MBIP: variants seen among roughly 807,000 people sequenced by gnomAD.
The protein encoded by MBIP is MAP3K12-binding inhibitory protein 1.
A neutral mutation model predicts 45.7 loss-of-function variants in MBIP; 32 were observed. The observed-to-expected ratio is 0.70, with a 90% CI of 0.53 to 0.94. The LOEUF (loss-of-function observed/expected upper bound fraction) is 0.94. Among genes scored for constraint, MBIP ranks in the 40% least tolerant of loss-of-function variants. MBIP has a pLI of 0.00. For missense variants in MBIP, 381 were observed against 405.5 expected (o/e 0.94, Z 0.52); for synonymous variants, 145 against 141.0 (o/e 1.03, Z -0.20).
rs149220752 is a variant in MBIP, at chr14:36,312,125, T to C, written c.572-101A>G. 1,079 of 548,044 alleles carry C rather than the reference T, an allele frequency of 2.0e-3. 13 individuals carry two copies. The highest frequency in any genetic ancestry group is 0.018 in the African/African-American group (904 of 50,970). The allele number at this position is 548,044 out of a possible 1,614,324, so 33.9% of individuals were successfully genotyped here. On this transcript the variant is annotated intron_variant, in intron 4 of 8. Transcript: ENST00000416007. ...ATAATTCATATTAACATTTTACTCA[T>C]AATAATTTTAATAAATAATAGTAAC... is the stretch of plus-strand genomic sequence containing the variant.
chr14:36,300,803 T>C lies in MBIP; in HGVS notation c.909A>G (p.Arg303=). The C allele has an allele frequency of 1.9e-6, 3 of 1,556,056 alleles. No individual in the cohort carries two copies. Among genetic ancestry groups the C allele is most frequent in the Non-Finnish European group, 2.6e-6 (3 of 1,145,766 alleles). The change falls in exon 8 of 9, where the codon AGA becomes AGG. Residue 303 remains arginine (R), a synonymous_variant. Coordinates refer to ENST00000416007, the MANE Select transcript of MBIP (RefSeq NM_016586.3). ...AACTTACTTGAGGTGGTTGAACTTT[T>C]CTTCTTTTTCCAGAAAAGCTCTAGA... is the stretch of plus-strand genomic sequence containing the variant. ...FQSVSFSGKR[R]KVQPPQQNYS...
chr14:36,307,178 G>A (rs1336540062), intron 7 of MBIP, among the ~76,000 whole-genome samples: 1 of 152,004 alleles, frequency 6.6e-6, no homozygotes, highest in African/African-American at 2.4e-5. Context: ...CTTTTGTTAC[G>A]TGACCTGCCT....
At chr14:36,314,650 TA>T in intron 3 of MBIP, 40 bp downstream of exon 3, 3 of 1,606,510 alleles carry the variant, frequency 1.9e-6, no homozygotes, top group Non-Finnish European at 8.5e-7. Flanking sequence ...TAAGATTTTT[TA>T]AAATAATACC....
intron 2 of MBIP, among the ~76,000 whole-genome samples, 173 bp from the exon 3 acceptor site, chr14:36,315,088 A>G (rs1880487758): frequency 6.6e-6 from 1 of 152,104 alleles, no homozygotes; most frequent in African/African-American, 2.4e-5. Context: ...AGTACTCACT[A>G]TTCTCTGCTA....
rs375684593 is a variant in MBIP, at chr14:36,308,182, T to C, written c.798A>G (p.Pro266=). ...EAHLRLQTGG[P]VPRDIYQRIK... ...TTCTCTGATAAATGTCTCTTGGCAC[T>C]GGACCACCTAAATACATTAAAAAAA... The change falls in exon 7 of 9, where the codon CCA becomes CCG. Residue 266 remains proline (P), a synonymous_variant. Coordinates refer to ENST00000416007, the MANE Select transcript of MBIP (RefSeq NM_016586.3). 60 of 1,566,604 alleles carry C rather than the reference T, an allele frequency of 3.8e-5. No individual in the cohort carries two copies. Among genetic ancestry groups the C allele is most frequent in the Non-Finnish European group, 7.9e-6 (9 of 1,145,418 alleles).
At chr14:36,302,665 A>G (rs1879639600) in intron 7 of MBIP, among the ~76,000 whole-genome samples, 1 of 152,176 alleles carries the variant, frequency 6.6e-6, no homozygotes, top group African/African-American at 2.4e-5. Context: ...AGTGACTTAA[A>G]AACAGTAAAA....
intron 1 of MBIP, among the ~76,000 whole-genome samples, chr14:36,318,964 C>T (rs896538983): frequency 1.3e-5 from 2 of 151,986 alleles, no homozygotes; most frequent in Non-Finnish European, 2.9e-5. Flanking sequence ...ATTTTTGACA[C>T]TTGTATAGGA....
intron 6 of MBIP, 78 bp from the exon 7 acceptor site, chr14:36,308,267 G>A: frequency 1.4e-6 from 1 of 721,906 alleles, no homozygotes. Context: ...AAAATACCAT[G>A]CAAAGACACT....
rs766417788 is a variant in MBIP, at chr14:36,314,661, CCT to C, written c.474+28_474+29del. ...AACATAAGATTTTTTAAAATAATACCCTCTCGCCCCCGCCAAAAAACCTTCTT... is the reference window on the plus strand; with the variant it reads ...AACATAAGATTTTTTAAAATAATACCCTCGCCCCCGCCAAAAAACCTTCTT... On this transcript the variant is annotated intron_variant, in intron 3 of 8. Transcript: ENST00000416007. The C allele has an allele frequency of 6.8e-6, 11 of 1,606,272 alleles. No individual in the cohort carries two copies. The African/African-American group carries it at 1.2e-4, about 18-fold the overall frequency.
chr14:36,314,457 G>A lies in MBIP; in HGVS notation c.571+55C>T, dbSNP rs1351639406. The A allele has an allele frequency of 1.1e-5, 11 of 958,648 alleles. No homozygotes were observed. In the Admixed American group the frequency reaches 1.4e-4, roughly 12 times the overall value. 59.4% of individuals were successfully genotyped at this position (958,648 alleles called of 1,614,324 possible). A position where few individuals can be genotyped will look rare whatever the true frequency, so the allele number is the denominator to read the frequency against. On this transcript the variant is annotated intron_variant, in intron 4 of 8. Coordinates refer to ENST00000416007, the MANE Select transcript of MBIP (RefSeq NM_016586.3). ...TTTAAAAAATAAATAAAAGATTAGA[G>A]CAACTATAAAAATTGTGCTTAAAAC...
intron 7 of MBIP, among the ~76,000 whole-genome samples, chr14:36,307,129 C>T (rs1879930069): frequency 6.6e-6 from 1 of 152,152 alleles, no homozygotes; most frequent in African/African-American, 2.4e-5. Flanking sequence ...ATCACTAAAA[C>T]TCTTCTCTGA....
intron 7 of MBIP, among the ~76,000 whole-genome samples, chr14:36,303,571 C>T (rs1879699211): frequency 6.6e-6 from 1 of 152,168 alleles, no homozygotes; most frequent in Admixed American, 6.5e-5. Context: ...CACGTCTCAA[C>T]ATAGAAAAGA....
rs748555600 is a variant in MBIP at position 36,299,118 on chromosome 14, C to A, written c.1000G>T (p.Glu334Ter). 32 of 1,613,686 alleles carry A rather than the reference C, an allele frequency of 2.0e-5. No homozygotes were observed. Among genetic ancestry groups the A allele is most frequent in the Non-Finnish European group, 2.7e-5 (32 of 1,179,806 alleles). Residue 334 changes from glutamate to a stop codon, truncating the protein, a stop_gained, in exon 9 of 9, where the codon GAA becomes TAA. Coordinates refer to ENST00000416007, the MANE Select transcript of MBIP (RefSeq NM_016586.3). LOFTEE classifies it high-confidence loss of function. ...LKQALLRKSREAESMATHHLP is the reference protein window; with the variant it reads ...LKQALLRKSR ...TGGTGGGTTGCCATGGATTCTGCTT[C>A]TCTTGATTTTCTGAGGAGGGCTTGT...
intron 1 of MBIP, among the ~76,000 whole-genome samples, chr14:36,318,757 T>C (rs1419042138): frequency 1.3e-5 from 2 of 152,032 alleles, no homozygotes; most frequent in Admixed American, 6.5e-5. Flanking sequence ...AATACAACGA[T>C]ACTTAGGGAT....
chr14:36,312,934 CT>C (rs34585763), intron 4 of MBIP, among the ~76,000 whole-genome samples: 7,694 of 152,000 alleles, frequency 0.051, 618 homozygotes, highest in African/African-American at 0.17. Context: ...TTTTTCCCCC[CT>C]ATGAAATTTG....
At chr14:36,300,635 A>T in intron 8 of MBIP, 150 bp downstream of exon 8, 1 of 485,852 alleles carries the variant, frequency 2.1e-6, no homozygotes. Context: ...TTTCTATTCA[A>T]CTGTATTAGT....
At position 36,320,620 on chromosome 14, in the gene MBIP, C is replaced by T. The variant is rs191454662; in HGVS notation, c.-32G>A. The T allele has an allele frequency of 5.1e-6, 8 of 1,577,820 alleles. No individual in the cohort carries two copies. In the Admixed American group the frequency reaches 1.2e-4, roughly 24 times the overall value. ...TTCTCAGGCCGCCCCACCACCACCACCACCAAGATTTGCTCACAACCCCGC... is the reference window on the plus strand; with the variant it reads ...TTCTCAGGCCGCCCCACCACCACCATCACCAAGATTTGCTCACAACCCCGC... On this transcript the variant is annotated 5_prime_UTR_variant, in exon 1 of 9. The change creates a new upstream start codon in the 5' untranslated region. Coordinates refer to ENST00000416007, the MANE Select transcript of MBIP (RefSeq NM_016586.3).
chr14:36,303,164 T>G (rs775931747), intron 7 of MBIP, among the ~76,000 whole-genome samples: 11 of 152,208 alleles, frequency 7.2e-5, no homozygotes, highest in Non-Finnish European at 1.3e-4. Flanking sequence ...TAATAATATT[T>G]TCAGTTTTTG....
chr14:36,299,220 A>G (rs755047481), intron 8 of MBIP, 30 bp from the exon 9 acceptor site: 1 of 1,470,198 alleles, frequency 6.8e-7, no homozygotes, highest in Non-Finnish European at 9.5e-7. Context: ...AAATTGCTGA[A>G]TAAGATTCTG....
Sources: allele counts gnomAD v4.1 joint callset (sites outside exome capture counted in the v4.1 genomes callset), GRCh38; gene constraint gnomAD v4.1.1; transcripts MANE v1.5; gene names NCBI Gene and HGNC (gene_info 2026-07-23, HGNC 2026-07-21).